The following PIK3R3 variants were observed in gnomAD, a reference collection of about 807,000 sequenced individuals.
The protein encoded by PIK3R3 is phosphoinositide-3-kinase regulatory subunit 3.
PIK3R3 carries 64 observed loss-of-function variants against 62.9 expected under a neutral mutation model. That is an observed-to-expected ratio of 1.02 (90% confidence interval 0.83 to 1.25). The LOEUF is 1.25. Ranked by LOEUF, PIK3R3 falls within the 50% of genes most tolerant of loss-of-function variation. The pLI, the probability that PIK3R3 is intolerant of heterozygous loss-of-function variation, is 0.00. For synonymous variants in PIK3R3, 165 were observed against 189.0 expected (o/e 0.87, Z 1.04); for missense variants, 614 against 561.6 (o/e 1.09, Z -0.94).
At chr1:46,120,550 C>A (rs1017086172) in intron 1 of PIK3R3, among the ~76,000 whole-genome samples, 1 of 151,970 alleles carries the variant, frequency 6.6e-6, no homozygotes, top group Non-Finnish European at 1.5e-5. Flanking sequence ...TCCAGCCTGG[C>A]GACAGAGGGA....
At position 46,115,187 on chromosome 1, in the gene PIK3R3, G is replaced by C. The variant is rs985719685; in HGVS notation, c.106+16660C>G. ...AAAAGCTAATACAGGGTAAAGCCAA[G>C]AGAATTATAGAAAAACAGGGCCAAA... On this transcript the variant is annotated intron_variant, in intron 1 of 9. Transcript: ENST00000262741. 3.9e-5 allele frequency among the ~76,000 whole-genome samples: 6 copies of C among 152,308 alleles called. No homozygotes were observed. The South Asian group carries it at 6.2e-4, about 16-fold the overall frequency.
Position 46,089,532 on chromosome 1 carries a change from A to G in PIK3R3, c.107-8782T>C, listed in dbSNP as rs566539913. Among the ~76,000 whole-genome samples, 411 of 152,132 alleles carry G rather than the reference A, an allele frequency of 2.7e-3. 2 individuals carry two copies. The highest frequency in any genetic ancestry group is 7.9e-3 in the African/African-American group (329 of 41,514). Reference sequence around the variant, plus strand: ...AGATCAAGACCATCCTGGCTAACACAGTGAAACCCCATCTCTACTAAAAAT... The same window carrying G: ...AGATCAAGACCATCCTGGCTAACACGGTGAAACCCCATCTCTACTAAAAAT... On this transcript the variant is annotated intron_variant, in intron 1 of 9. Transcript: ENST00000262741.
chr1:46,170,218 G>A, the PIK3R3 span, among the ~76,000 whole-genome samples: 1 of 152,158 alleles, frequency 6.6e-6, no homozygotes, highest in Non-Finnish European at 1.5e-5. Context: ...TGGGCTGATG[G>A]TAACTGCAGT....
rs56317656 is a variant in PIK3R3, at chr1:46,043,121, T to TA, written c.*551dup. 8.7e-6 allele frequency: 2 copies of TA among 229,606 alleles called. No homozygotes were observed. Among genetic ancestry groups the TA allele is most frequent in the Non-Finnish European group, 8.7e-6 (1 of 115,566 alleles). The allele number at this position is 229,606 out of a possible 1,614,324, so 14.2% of individuals were successfully genotyped here. A position where few individuals can be genotyped will look rare whatever the true frequency, so the allele number is the denominator to read the frequency against. On this transcript the variant is annotated 3_prime_UTR_variant, in exon 10 of 10. Transcript: ENST00000262741. ...AATACCTTCAGTTGAAGGTTTTTTTTATCATCTTGGCTTAGATTATTTAAA... is the reference window on the plus strand; with the variant it reads ...AATACCTTCAGTTGAAGGTTTTTTTTAATCATCTTGGCTTAGATTATTTAAA...
intron 1 of PIK3R3, among the ~76,000 whole-genome samples, chr1:46,107,553 TCAAAA>T (rs767831974): frequency 3.9e-5 from 6 of 152,044 alleles, no homozygotes; most frequent in Admixed American, 6.6e-5. Flanking sequence ...AGACTCCATC[TCAAAA>T]CAAAACAAAA....
intron 7 of PIK3R3, among the ~76,000 whole-genome samples, chr1:46,051,246 A>G (rs752702413): frequency 4.6e-5 from 7 of 151,212 alleles, no homozygotes; most frequent in Non-Finnish European, 1.0e-4. Context: ...AGAACACAGC[A>G]CCCTCCACAG....
chr1:46,141,919 C>T, the PIK3R3 span, among the ~76,000 whole-genome samples: 2 of 152,222 alleles, frequency 1.3e-5, no homozygotes, highest in African/African-American at 4.8e-5. Context: ...GGTCTCTGGT[C>T]ATAATTGGGA....
intron 7 of PIK3R3, among the ~76,000 whole-genome samples, chr1:46,049,375 G>T (rs1259694783): frequency 2.0e-5 from 3 of 152,236 alleles, no homozygotes; most frequent in African/African-American, 7.2e-5. Context: ...AAGCTGGGAA[G>T]CCCCTGAGAG....
intron 1 of PIK3R3, among the ~76,000 whole-genome samples, chr1:46,107,611 T>C (rs1474007903): frequency 6.6e-6 from 1 of 152,158 alleles, no homozygotes; most frequent in Admixed American, 6.6e-5. Context: ...GACTGTATCA[T>C]CATTTACTTA....
intron 1 of PIK3R3, among the ~76,000 whole-genome samples, chr1:46,106,740 TGA>T (rs1354040947): frequency 1.3e-5 from 2 of 152,148 alleles, no homozygotes; most frequent in Non-Finnish European, 2.9e-5. Context: ...CAAATAATGT[TGA>T]GTCCTTTATG....
At chr1:46,151,003 G>A in the PIK3R3 span, among the ~76,000 whole-genome samples, 2 of 151,984 alleles carry the variant, frequency 1.3e-5, no homozygotes, top group Non-Finnish European at 2.9e-5. Context: ...TAGAGTCGAG[G>A]TTTCACTATG....
chr1:46,157,256 C>A, the PIK3R3 span, among the ~76,000 whole-genome samples: 1 of 152,186 alleles, frequency 6.6e-6, no homozygotes, highest in African/African-American at 2.4e-5. Flanking sequence ...ACCTCAGCCA[C>A]CCAAGTAGCT....
At chr1:46,065,997 T>C in intron 5 of PIK3R3, 57 bp downstream of exon 5, 1 of 1,517,728 alleles carries the variant, frequency 6.6e-7, no homozygotes, top group Non-Finnish European at 9.1e-7. Flanking sequence ...TGATCGAAAA[T>C]TTGATGTAAC....
chr1:46,056,052 CT>C (rs34093237), intron 6 of PIK3R3, 81 bp from the exon 7 acceptor site: 174,067 of 655,412 alleles, frequency 0.27, 13,443 homozygotes, highest in Non-Finnish European at 0.29. Flanking sequence ...TCCTAATATC[CT>C]TTTTTTTTTT....
intron 1 of PIK3R3, among the ~76,000 whole-genome samples, chr1:46,127,204 T>C (rs1299539854): frequency 4.6e-5 from 7 of 151,892 alleles, no homozygotes; most frequent in Non-Finnish European, 7.4e-5. Flanking sequence ...TAGCTGGGTG[T>C]GGTGGCAAGC....
At chr1:46,067,173 C>T (rs971830409) in intron 3 of PIK3R3, 82 bp from the exon 4 acceptor site, 1 of 1,037,832 alleles carries the variant, frequency 9.6e-7, no homozygotes, top group East Asian at 2.6e-5. Context: ...GACGTGAAAG[C>T]TTGGTGTCAC....
chr1:46,134,299 C>T (rs1437675971), upstream of PIK3R3, among the ~76,000 whole-genome samples: 1 of 152,134 alleles, frequency 6.6e-6, no homozygotes, highest in Non-Finnish European at 1.5e-5. Context: ...GTTCTGCCTT[C>T]CTTAAAGATG....
chr1:46,132,833 C>G (rs1655750500), upstream of PIK3R3: 2 of 1,215,396 alleles, frequency 1.6e-6, no homozygotes, highest in African/African-American at 1.6e-5. Flanking sequence ...TGCTCTCCAT[C>G]TCGACTTTCA....
intron 6 of PIK3R3, among the ~76,000 whole-genome samples, chr1:46,059,621 A>G (rs1351401186): frequency 2.6e-5 from 4 of 151,674 alleles, no homozygotes; most frequent in Non-Finnish European, 5.9e-5. Flanking sequence ...TCAGGACCCC[A>G]TCTCTACAAA....
Sources: allele counts gnomAD v4.1 joint callset (sites outside exome capture counted in the v4.1 genomes callset), GRCh38; gene constraint gnomAD v4.1.1; transcripts MANE v1.5; gene names NCBI Gene and HGNC (gene_info 2026-07-23, HGNC 2026-07-21).